Variants in AGBL4 observed in about 807,000 individuals in gnomAD.
The protein encoded by AGBL4 is AGBL carboxypeptidase 4, also known as cytosolic carboxypeptidase 6.
Under a neutral mutation model 66.4 loss-of-function variants are expected in AGBL4, and 58 were observed. The ratio of observed to expected loss-of-function variants is 0.87; its 90% CI spans 0.71 to 1.09. The LOEUF (loss-of-function observed/expected upper bound fraction) is 1.09. Among genes scored for constraint, AGBL4 ranks in the 50% least tolerant of loss-of-function variants. AGBL4 has a pLI of 0.00. For synonymous variants in AGBL4, 234 were observed against 222.9 expected (o/e 1.05, Z -0.44); for missense variants, 579 against 631.0 (o/e 0.92, Z 0.88).
intron 8 of AGBL4, among the ~76,000 whole-genome samples, chr1:48,635,317 T>C (rs1439076350): frequency 1.3e-5 from 2 of 152,218 alleles, no homozygotes; most frequent in Admixed American, 1.3e-4. Flanking sequence ...AAGCTTTCTC[T>C]TTCCAAATGC....
chr1:49,230,733 G>A (rs1268924351), intron 4 of AGBL4, among the ~76,000 whole-genome samples: 1 of 152,162 alleles, frequency 6.6e-6, no homozygotes, highest in Non-Finnish European at 1.5e-5. Flanking sequence ...TCTCACTAGA[G>A]TGAGTGGGAG....
chr1:48,713,786 A>G (rs993979994), intron 6 of AGBL4, among the ~76,000 whole-genome samples: 6 of 152,136 alleles, frequency 3.9e-5, no homozygotes, highest in Non-Finnish European at 5.9e-5. Flanking sequence ...CCTGCCTGCT[A>G]TTCCCTCTCA....
chr1:49,165,393 GAT>G (rs1209142619), intron 4 of AGBL4, among the ~76,000 whole-genome samples: 1 of 152,128 alleles, frequency 6.6e-6, no homozygotes, highest in African/African-American at 2.4e-5. Flanking sequence ...TATCACCAGA[GAT>G]ACATTTGTTA....
intron 3 of AGBL4, among the ~76,000 whole-genome samples, chr1:49,584,186 G>C (rs201259216): frequency 6.6e-6 from 1 of 152,128 alleles, no homozygotes; most frequent in Non-Finnish European, 1.5e-5. Flanking sequence ...CCAGAAACTA[G>C]GGACCCCCTC....
At chr1:49,569,022 T>C (rs1644273001) in intron 3 of AGBL4, among the ~76,000 whole-genome samples, 1 of 152,182 alleles carries the variant, frequency 6.6e-6, no homozygotes, top group African/African-American at 2.4e-5. Context: ...ATGTGATACA[T>C]AGACACAATG....
intron 4 of AGBL4, among the ~76,000 whole-genome samples, chr1:49,220,309 T>C (rs1649399957): frequency 6.6e-6 from 1 of 152,200 alleles, no homozygotes; most frequent in African/African-American, 2.4e-5. Flanking sequence ...TCAGGTTCTT[T>C]CCATCAGTAT....
intron 7 of AGBL4, among the ~76,000 whole-genome samples, chr1:48,660,074 C>A (rs1237958744): frequency 6.6e-6 from 1 of 152,226 alleles, no homozygotes; most frequent in African/African-American, 2.4e-5. Context: ...ACATGGCTGG[C>A]CACAGGGCCA....
chr1:50,011,461 G>A (rs993084725), intron 1 of AGBL4, among the ~76,000 whole-genome samples: 4 of 152,156 alleles, frequency 2.6e-5, no homozygotes, highest in Non-Finnish European at 5.9e-5. Flanking sequence ...AACCACTGTT[G>A]AGAAGCGTTT....
intron 3 of AGBL4, among the ~76,000 whole-genome samples, chr1:49,473,682 A>G (rs1046060790): frequency 6.6e-6 from 1 of 152,018 alleles, no homozygotes; most frequent in Non-Finnish European, 1.5e-5. Context: ...ATTGCTTTTA[A>G]GGATTTAGTC....
chr1:49,470,835 C>T (rs555391057), intron 3 of AGBL4, among the ~76,000 whole-genome samples: 4 of 152,162 alleles, frequency 2.6e-5, no homozygotes, highest in African/African-American at 9.6e-5. Context: ...GCTTATGGGG[C>T]AGCCTTGCTC....
chr1:48,609,615 G>A (rs78724568), intron 9 of AGBL4, among the ~76,000 whole-genome samples: 28 of 152,164 alleles, frequency 1.8e-4, no homozygotes, highest in African/African-American at 6.7e-4. Flanking sequence ...TACAGATAGG[G>A]TATTGCTATG....
At chr1:49,272,425 T>A (rs1644080959) in intron 3 of AGBL4, among the ~76,000 whole-genome samples, 1 of 152,204 alleles carries the variant, frequency 6.6e-6, no homozygotes, top group Admixed American at 6.5e-5. Context: ...AAATTACTTA[T>A]CTAAATAAAA....
At position 49,604,794 on chromosome 1, in the gene AGBL4, C is replaced by G. The variant is rs149350278; in HGVS notation, c.282+92519G>C. On this transcript the variant is annotated intron_variant, in intron 3 of 13. Coordinates refer to ENST00000371839, the MANE Select transcript of AGBL4 (RefSeq NM_032785.4). ...GTTTACTTTTATTATCTTTTACCCTCCGAAACTAAAAAGGGAATTTCTCAT... is the reference window on the plus strand; with the variant it reads ...GTTTACTTTTATTATCTTTTACCCTGCGAAACTAAAAAGGGAATTTCTCAT... 2.4e-4 allele frequency among the ~76,000 whole-genome samples: 36 copies of G among 152,166 alleles called. 1 individual carries two copies. Among genetic ancestry groups the G allele is most frequent in the African/African-American group, 8.4e-4 (35 of 41,528 alleles).
At chr1:48,906,357 T>G (rs774228155) in intron 5 of AGBL4, among the ~76,000 whole-genome samples, 3 of 152,190 alleles carry the variant, frequency 2.0e-5, no homozygotes, top group Non-Finnish European at 4.4e-5. Flanking sequence ...CTGTGGAGTA[T>G]GCAGAGACAA....
At chr1:49,811,356 T>G (rs545795327) in intron 2 of AGBL4, among the ~76,000 whole-genome samples, 27 of 152,286 alleles carry the variant, frequency 1.8e-4, no homozygotes, top group Admixed American at 2.0e-4. Context: ...ATTGAGAATT[T>G]ATACAGCTTT....
At chr1:49,551,984 G>A (rs1173112182) in intron 3 of AGBL4, among the ~76,000 whole-genome samples, 3 of 152,272 alleles carry the variant, frequency 2.0e-5, no homozygotes, top group African/African-American at 7.2e-5. Context: ...TGCTATGGGG[G>A]ATGGGGGTGA....
intron 6 of AGBL4, among the ~76,000 whole-genome samples, chr1:48,681,711 C>T (rs953819888): frequency 3.3e-5 from 5 of 152,206 alleles, no homozygotes; most frequent in South Asian, 2.1e-4. Context: ...ACAGTAGACC[C>T]GGTCCAGGGA....
chr1:49,287,963 C>A (rs1162638267), intron 3 of AGBL4, among the ~76,000 whole-genome samples: 1 of 134,520 alleles, frequency 7.4e-6, no homozygotes, highest in African/African-American at 2.8e-5. Context: ...TGGAACCAAG[C>A]CAAATGTCCA....
In AGBL4 at chr1:49,081,512, T is replaced by C. The variant is rs1644807971; in HGVS notation, c.378-35712A>G. ...GATGCTCAGGAAATAGGAGGTAATG[T>C]CTGTTCATTTTTATTCTCAAATAGG... On this transcript the variant is annotated intron_variant, in intron 4 of 13. Coordinates refer to ENST00000371839, the MANE Select transcript of AGBL4 (RefSeq NM_032785.4). Among the ~76,000 whole-genome samples, 4 of 152,344 alleles carry C rather than the reference T, an allele frequency of 2.6e-5. No individual in the cohort carries two copies. In the South Asian group the frequency reaches 8.3e-4, roughly 32 times the overall value.
Sources: gnomAD v4.1 joint callset for allele counts (sites outside exome capture counted in the v4.1 genomes callset) on GRCh38, gnomAD v4.1.1 for gene constraint, MANE v1.5 for transcripts, NCBI Gene and HGNC (gene_info 2026-07-23, HGNC 2026-07-21) for gene names.